NRG3: variants seen among roughly 807,000 people sequenced by gnomAD.
The protein encoded by NRG3 is neuregulin 3, also known as pro-neuregulin-3, membrane-bound isoform.
In NRG3, 31 loss-of-function variants were observed where a neutral mutation model predicts 66.9. That is an observed-to-expected ratio of 0.46 (90% CI 0.35 to 0.63). NRG3 has a LOEUF of 0.63. Among genes scored for constraint, NRG3 ranks in the 20% least tolerant of loss-of-function variants. NRG3 has a pLI of 0.00. For synonymous variants in NRG3, 393 were observed against 359.4 expected, an observed-to-expected ratio of 1.09 and a Z score of -1.06; for missense variants, 910 against 878.9, an observed-to-expected ratio of 1.04 and a Z score of -0.45.
intron 2 of NRG3, among the ~76,000 whole-genome samples, chr10:82,370,312 C>T (rs2084797998): frequency 7.3e-6 from 1 of 137,598 alleles, no homozygotes; most frequent in Non-Finnish European, 1.5e-5. Flanking sequence ...TGATATTCCC[C>T]TGGAGTGGGG....
rs114956349 is a variant in NRG3 at position 81,956,880 on chromosome 10, C to G, written c.823+80717C>G. Among the ~76,000 whole-genome samples, 664 of 152,256 alleles carry G rather than the reference C, an allele frequency of 4.4e-3. 4 individuals carry two copies. Among genetic ancestry groups the G allele is most frequent in the African/African-American group, 0.015 (627 of 41,554 alleles). On this transcript the variant is annotated intron_variant, in intron 1 of 8. Transcript: ENST00000372141. ...TTTTTCTCTGAACTCCTTTCTACCA[C>G]TCTCCTCCAGACTCACAATACTCAA...
intron 1 of NRG3, among the ~76,000 whole-genome samples, chr10:82,316,639 ATTTTGTCTGACAGAAAC>A (rs928765061): frequency 3.3e-5 from 5 of 152,118 alleles, no homozygotes; most frequent in African/African-American, 9.7e-5. Flanking sequence ...CATTTGCTCC[ATTTTGTCTGACAGAAAC>A]GGGCTAAGAT....
At chr10:82,200,589 T>C (rs1191528198) in intron 1 of NRG3, among the ~76,000 whole-genome samples, 1 of 152,108 alleles carries the variant, frequency 6.6e-6, no homozygotes, top group African/African-American at 2.4e-5. Flanking sequence ...AATAAATCAA[T>C]GATGGGTTCT....
intron 1 of NRG3, among the ~76,000 whole-genome samples, chr10:82,248,772 G>T (rs2077358639): frequency 6.6e-6 from 1 of 152,186 alleles, no homozygotes. Context: ...GTACACAGCA[G>T]TCAAATTATT....
intron 2 of NRG3, among the ~76,000 whole-genome samples, chr10:82,480,438 A>G (rs1842177177): frequency 6.6e-6 from 1 of 152,194 alleles, no homozygotes; most frequent in Non-Finnish European, 1.5e-5. Context: ...AAGTAAAATA[A>G]TTGGTGCTTA....
At chr10:82,067,590 C>T (rs764005066) in intron 1 of NRG3, among the ~76,000 whole-genome samples, 4 of 152,162 alleles carry the variant, frequency 2.6e-5, no homozygotes, top group Non-Finnish European at 5.9e-5. Flanking sequence ...TCAGGTGATC[C>T]GCCTGCCTTG....
intron 1 of NRG3, among the ~76,000 whole-genome samples, chr10:81,906,266 G>GA (rs1264598527): frequency 4.0e-5 from 6 of 151,664 alleles, no homozygotes; most frequent in Admixed American, 2.6e-4. Flanking sequence ...CAGTTTCAAA[G>GA]AAAAAAAACA....
At chr10:82,734,072 C>A (rs372605948) in intron 2 of NRG3, among the ~76,000 whole-genome samples, 4 of 152,222 alleles carry the variant, frequency 2.6e-5, no homozygotes, top group African/African-American at 9.6e-5. Context: ...GTTGCTCAAT[C>A]TGCTTTACCA....
intron 1 of NRG3, among the ~76,000 whole-genome samples, chr10:81,952,778 A>T (rs191009659): frequency 0.023 from 3,449 of 150,680 alleles, 51 homozygotes; most frequent in Non-Finnish European, 0.033. Context: ...ATTTTTTTTT[A>T]AATTTTTATT....
chr10:82,726,168 A>G (rs1021907420), intron 2 of NRG3, among the ~76,000 whole-genome samples: 1 of 152,186 alleles, frequency 6.6e-6, no homozygotes, highest in African/African-American at 2.4e-5. Flanking sequence ...GGGAAAATAA[A>G]TATCTGTTGC....
chr10:81,942,274 TC>T (rs1848468453), intron 1 of NRG3, among the ~76,000 whole-genome samples: 1 of 152,060 alleles, frequency 6.6e-6, no homozygotes, highest in South Asian at 2.1e-4. Context: ...GTGAACACGT[TC>T]TTGGAAAAAA....
chr10:82,568,447 T>C (rs1011707839), intron 2 of NRG3, among the ~76,000 whole-genome samples: 5 of 151,878 alleles, frequency 3.3e-5, no homozygotes, highest in African/African-American at 1.2e-4. Flanking sequence ...TAGTTTATTC[T>C]AGAATGATGG....
chr10:82,333,016 A>G (rs2082212360), intron 1 of NRG3, among the ~76,000 whole-genome samples: 1 of 152,198 alleles, frequency 6.6e-6, no homozygotes, highest in Non-Finnish European at 1.5e-5. Flanking sequence ...TTTGAACATA[A>G]TTTTTCATTT....
chr10:82,683,149 G>A (rs939378965), intron 2 of NRG3, among the ~76,000 whole-genome samples: 3 of 151,614 alleles, frequency 2.0e-5, no homozygotes, highest in Non-Finnish European at 4.4e-5. Context: ...TAGTAGAGAC[G>A]GGGTTTCACC....
intron 2 of NRG3, among the ~76,000 whole-genome samples, chr10:82,617,798 C>A (rs187814852): frequency 6.6e-6 from 1 of 152,280 alleles, no homozygotes; most frequent in Non-Finnish European, 1.5e-5. Context: ...AAAGTATCCC[C>A]AGGTCTTCAA....
chr10:82,753,476 C>A (rs1377901565), intron 3 of NRG3, among the ~76,000 whole-genome samples: 1 of 152,030 alleles, frequency 6.6e-6, no homozygotes, highest in Non-Finnish European at 1.5e-5. Context: ...AGTTCAGGCA[C>A]AACAGGAAAC....
intron 2 of NRG3, among the ~76,000 whole-genome samples, chr10:82,720,810 C>CATATACATATACATATATATATATATAT (rs571675177): frequency 2.6e-5 from 3 of 114,744 alleles, no homozygotes; most frequent in Admixed American, 1.7e-4. Flanking sequence ...GTATTTTATA[C>CATATACATATACATATATATATATATAT]ATATATATAT....
At chr10:82,571,105 A>G (rs2045706223) in intron 2 of NRG3, among the ~76,000 whole-genome samples, 1 of 151,516 alleles carries the variant, frequency 6.6e-6, no homozygotes, top group East Asian at 1.9e-4. Context: ...AAATCTATTA[A>G]TATTTTCTCT....
chr10:82,804,528 G>T (rs570694799), intron 3 of NRG3, among the ~76,000 whole-genome samples: 1 of 152,156 alleles, frequency 6.6e-6, no homozygotes, highest in Non-Finnish European at 1.5e-5. Flanking sequence ...ACTATAGTAA[G>T]TGCTCAATAA....
Sources: gnomAD v4.1 joint callset for allele counts (sites outside exome capture counted in the v4.1 genomes callset) on GRCh38, gnomAD v4.1.1 for gene constraint, MANE v1.5 for transcripts, NCBI Gene and HGNC (gene_info 2026-07-23, HGNC 2026-07-21) for gene names.